Variants in LRP1B observed in about 807,000 individuals in gnomAD.
The protein encoded by LRP1B is LDL receptor related protein 1B.
LRP1B carries 217 observed loss-of-function variants against 556.6 expected under a neutral mutation model. That is an observed-to-expected ratio of 0.39 (90% CI 0.35 to 0.44). The LOEUF (loss-of-function observed/expected upper bound fraction) is 0.44, where lower values mean the gene tolerates loss of function less well. Among genes scored for constraint, LRP1B ranks in the 20% least tolerant of loss-of-function variants. LRP1B has a pLI of 1.00. For missense variants in LRP1B, 5,053 were observed against 5,620.8 expected (o/e 0.90, Z 3.23); for synonymous variants, 2,047 against 1,865.8 (o/e 1.10, Z -2.50).
rs112240939 is a variant in LRP1B at position 141,457,539 on chromosome 2, A to C, written c.343+22857T>G. On this transcript the variant is annotated intron_variant, in intron 3 of 90. Transcript: ENST00000389484. ...TAGATGCAGCAAATCATCATGGCACATGTTTACCTATGTAACAAACCTGCA... is the reference window on the plus strand; with the variant it reads ...TAGATGCAGCAAATCATCATGGCACCTGTTTACCTATGTAACAAACCTGCA... Among the ~76,000 whole-genome samples, 1,401 of 152,274 alleles carry C rather than the reference A, an allele frequency of 9.2e-3. 16 individuals carry two copies. The highest frequency in any genetic ancestry group is 0.03 in the African/African-American group (1,240 of 41,558).
At chr2:141,104,432 G>C (rs988122723) in intron 7 of LRP1B, among the ~76,000 whole-genome samples, 1 of 152,018 alleles carries the variant, frequency 6.6e-6, no homozygotes, top group Non-Finnish European at 1.5e-5. Context: ...GGAACTATCA[G>C]TGCAATAAAG....
intron 2 of LRP1B, among the ~76,000 whole-genome samples, chr2:141,523,180 TG>T (rs113525788): frequency 0.037 from 5,637 of 152,220 alleles, 367 homozygotes; most frequent in African/African-American, 0.13. Context: ...GCTCAGGGCA[TG>T]AAAGAGAAAT....
intron 66 of LRP1B, among the ~76,000 whole-genome samples, chr2:140,388,844 T>C (rs1242652884): frequency 6.6e-6 from 1 of 152,100 alleles, no homozygotes; most frequent in African/African-American, 2.4e-5. Flanking sequence ...GCCCAAACCA[T>C]ATCCCATATC....
intron 2 of LRP1B, among the ~76,000 whole-genome samples, chr2:141,664,703 A>G (rs969510130): frequency 2.0e-5 from 3 of 151,096 alleles, no homozygotes; most frequent in African/African-American, 7.3e-5. Context: ...AGGAAATCAG[A>G]TAGGAAAAAA....
At chr2:140,271,480 G>T (rs1363382906) in intron 85 of LRP1B, among the ~76,000 whole-genome samples, 1 of 152,044 alleles carries the variant, frequency 6.6e-6, no homozygotes, top group South Asian at 2.1e-4. Flanking sequence ...AAAATAATCG[G>T]TTGACATGTA....
chr2:140,777,203 G>T (rs1689528859), intron 32 of LRP1B, among the ~76,000 whole-genome samples: 1 of 152,104 alleles, frequency 6.6e-6, no homozygotes, highest in Non-Finnish European at 1.5e-5. Context: ...TTAAAATAAG[G>T]TTATTTAACT....
intron 1 of LRP1B, among the ~76,000 whole-genome samples, chr2:141,866,887 T>C (rs1459983660): frequency 1.3e-5 from 2 of 149,348 alleles, no homozygotes; most frequent in Admixed American, 1.3e-4. Flanking sequence ...AGGGAAGGAA[T>C]GGAAGTTTGA....
At chr2:141,228,107 G>T (rs1389216067) in intron 6 of LRP1B, among the ~76,000 whole-genome samples, 1 of 151,994 alleles carries the variant, frequency 6.6e-6, no homozygotes, top group African/African-American at 2.4e-5. Flanking sequence ...TTTATTTTTG[G>T]TAGAGATGGG....
intron 18 of LRP1B, among the ~76,000 whole-genome samples, chr2:140,975,065 A>T (rs12997805): frequency 0.73 from 111,694 of 152,114 alleles, 41,566 homozygotes; most frequent in Admixed American, 0.79. Context: ...GAAAAAAATT[A>T]AAAAAAGTGG....
At position 141,149,673 on chromosome 2, in the gene LRP1B, G is replaced by A. The variant is rs529982483; in HGVS notation, c.1013+38748C>T. On this transcript the variant is annotated intron_variant, in intron 7 of 90. Coordinates refer to ENST00000389484, the MANE Select transcript of LRP1B (RefSeq NM_018557.3). ...GGAAGAAGGAGGCCTGAGGCACTGC[G>A]TCGGCTTCAGTCTTTGCTTCCCAAG... 5.9e-5 allele frequency among the ~76,000 whole-genome samples: 9 copies of A among 152,238 alleles called. No homozygotes were observed. The East Asian group carries it at 1.4e-3, about 23-fold the overall frequency.
chr2:141,235,333 A>G (rs1683611532), intron 5 of LRP1B, among the ~76,000 whole-genome samples: 1 of 152,108 alleles, frequency 6.6e-6, no homozygotes, highest in Admixed American at 6.6e-5. Context: ...GCCTTCAAGA[A>G]CGATACAATC....
rs1401985659 is a variant in LRP1B at position 141,017,502 on chromosome 2, C to T, written c.1971-1587G>A. On this transcript the variant is annotated intron_variant, in intron 12 of 90. Transcript: ENST00000389484. ...ACGCACACACGAGACAGAGATAAAT[C>T]TGGATATTCTAAATATACTGCATAT... Among the ~76,000 whole-genome samples, 4 of 151,512 alleles carry T rather than the reference C, an allele frequency of 2.6e-5. No individual in the cohort carries two copies. The East Asian group carries it at 5.9e-4, about 22-fold the overall frequency.
chr2:141,562,835 A>T (rs1162928333), intron 2 of LRP1B, among the ~76,000 whole-genome samples: 1 of 152,038 alleles, frequency 6.6e-6, no homozygotes, highest in Non-Finnish European at 1.5e-5. Flanking sequence ...ATAATTGCAT[A>T]TTTTTTGAGG....
chr2:141,050,222 T>C (rs1698995595), intron 10 of LRP1B, among the ~76,000 whole-genome samples: 2 of 151,900 alleles, frequency 1.3e-5, no homozygotes, highest in South Asian at 4.1e-4. Flanking sequence ...AAATAAGCAA[T>C]TATTTATAAA....
chr2:140,401,986 T>C (rs757215675), intron 66 of LRP1B, among the ~76,000 whole-genome samples: 3 of 152,162 alleles, frequency 2.0e-5, no homozygotes, highest in Admixed American at 6.5e-5. Flanking sequence ...GCCACCCCTA[T>C]CACAGCTTGT....
intron 2 of LRP1B, among the ~76,000 whole-genome samples, chr2:141,658,491 T>C (rs1230104014): frequency 1.3e-5 from 2 of 152,170 alleles, no homozygotes; most frequent in Non-Finnish European, 2.9e-5. Flanking sequence ...CCAGGTCTCC[T>C]TGTTGTCCCT....
At chr2:141,767,426 G>C (rs934049490) in intron 2 of LRP1B, among the ~76,000 whole-genome samples, 2 of 151,914 alleles carry the variant, frequency 1.3e-5, no homozygotes, top group Non-Finnish European at 2.9e-5. Context: ...GATAGGTTCA[G>C]GTCAAATTAT....
intron 40 of LRP1B, among the ~76,000 whole-genome samples, chr2:140,701,498 A>G (rs1209217258): frequency 6.6e-6 from 1 of 152,100 alleles, no homozygotes; most frequent in African/African-American, 2.4e-5. Flanking sequence ...GGTATGTAAC[A>G]TGTCCATGTA....
At chr2:140,688,741 G>T (rs937605467) in intron 41 of LRP1B, among the ~76,000 whole-genome samples, 2 of 152,142 alleles carry the variant, frequency 1.3e-5, no homozygotes, top group Non-Finnish European at 2.9e-5. Context: ...CACATATTGA[G>T]CCAGTTCTCA....
Sources: allele counts gnomAD v4.1 joint callset (sites outside exome capture counted in the v4.1 genomes callset), GRCh38; gene constraint gnomAD v4.1.1; transcripts MANE v1.5; gene names NCBI Gene and HGNC (gene_info 2026-07-23, HGNC 2026-07-21).